The following KDM2B variants were observed in gnomAD, a reference collection of about 807,000 sequenced individuals.
KDM2B encodes the protein lysine-specific demethylase 2B.
A neutral mutation model predicts 150.0 loss-of-function variants in KDM2B; 26 were observed. The observed-to-expected ratio is 0.17, with a 90% confidence interval of 0.13 to 0.24. The LOEUF is 0.24. Among genes scored for constraint, KDM2B ranks in the 10% least tolerant of loss-of-function variants. The probability of loss-of-function intolerance (pLI) is 1.00; values close to 1 mark genes in which losing one functional copy is unlikely to be tolerated. For synonymous variants in KDM2B, 734 were observed against 729.5 expected (o/e 1.01, Z -0.10); for missense variants, 1,265 against 1,816.9 (o/e 0.70, Z 5.52).
intron 12 of KDM2B, among the ~76,000 whole-genome samples, chr12:121,489,024 T>A (rs1883067487): frequency 6.6e-6 from 1 of 151,976 alleles, no homozygotes; most frequent in Non-Finnish European, 1.5e-5. Context: ...GTCAGGCTGG[T>A]CTTGAACTCC....
intron 11 of KDM2B, among the ~76,000 whole-genome samples, chr12:121,503,364 C>T (rs1555302439): frequency 6.6e-6 from 1 of 151,862 alleles, no homozygotes; most frequent in East Asian, 1.9e-4. Flanking sequence ...CATCACAGCT[C>T]ACTGCAGCCT....
chr12:121,477,416 C>A (rs1178715885), intron 12 of KDM2B, among the ~76,000 whole-genome samples: 1 of 152,000 alleles, frequency 6.6e-6, no homozygotes, highest in Non-Finnish European at 1.5e-5. Flanking sequence ...ACAAAGTCTA[C>A]TCTGTCACCT....
intron 12 of KDM2B, chr12:121,494,220 AGAG>A (rs571750618): frequency 1.8e-4 from 39 of 220,870 alleles, no homozygotes; most frequent in Non-Finnish European, 3.2e-4. Flanking sequence ...TCCTTTCAAA[AGAG>A]GAGAAGACAG....
chr12:121,548,420 C>T (rs547160675), intron 6 of KDM2B, among the ~76,000 whole-genome samples: 1 of 152,308 alleles, frequency 6.6e-6, no homozygotes, highest in African/African-American at 2.4e-5. Context: ...GCTTCAAGGT[C>T]TCAACACCAA....
intron 4 of KDM2B, among the ~76,000 whole-genome samples, chr12:121,562,199 C>G (rs980408416): frequency 1.3e-5 from 2 of 151,196 alleles, no homozygotes; most frequent in African/African-American, 2.4e-5. Context: ...TTTAAAAAGG[C>G]CTGGCCAGCA....
At chr12:121,545,303 G>A (rs1314501926) in intron 6 of KDM2B, among the ~76,000 whole-genome samples, 7 of 151,888 alleles carry the variant, frequency 4.6e-5, no homozygotes, top group East Asian at 1.9e-4. Context: ...GACGGGGTCC[G>A]TAGCTCTATT....
Position 121,467,069 on chromosome 12 carries a change from C to A in KDM2B, c.1735-13725G>T. On this transcript the variant is annotated intron_variant, in intron 12 of 22. Transcript: ENST00000377071. The surrounding 1 kb of genome is among the most constrained non-coding windows in gnomAD (Gnocchi z 5.1). ...AACTTTCTCCTCATCGCGGCGGCGG[C>A]GGCGTCGCGGCCGCCCTCGGCGCGT... The A allele has an allele frequency of 2.9e-6, 2 of 699,402 alleles. No homozygotes were observed. The highest frequency in any genetic ancestry group is 3.2e-5 in the South Asian group (1 of 31,706). 43.3% of individuals were successfully genotyped at this position (699,402 alleles called of 1,614,324 possible).
At chr12:121,516,215 T>C in intron 9 of KDM2B, 1 of 255,942 alleles carries the variant, frequency 3.9e-6, no homozygotes, top group South Asian at 3.6e-5. Context: ...TTTTCAAATC[T>C]TTTTGACACC....
intron 9 of KDM2B, among the ~76,000 whole-genome samples, chr12:121,519,526 A>G (rs1886509233): frequency 6.6e-6 from 1 of 152,236 alleles, no homozygotes. Context: ...AAGAAACCAG[A>G]CACAAAAGGC....
At position 121,442,357 on chromosome 12, in the gene KDM2B, G is replaced by A; in HGVS notation, c.3084C>T (p.Pro1028=). The A allele has an allele frequency of 3.8e-6, 6 of 1,586,392 alleles. No individual in the cohort carries two copies. The highest frequency in any genetic ancestry group is 5.2e-6 in the Non-Finnish European group (6 of 1,163,340). Residue 1028 remains proline (P), a synonymous_variant, in exon 19 of 23, where the codon CCC becomes CCT. Coordinates refer to ENST00000377071, the MANE Select transcript of KDM2B (RefSeq NM_032590.5). The surrounding 1 kb of genome is among the most constrained non-coding windows in gnomAD (Gnocchi z 7.7). The part of the protein sequence containing the change: ...SPPRVISRPP[P]SVSPPKCIQM... ...GGATACACTTGGGCGGGGACACGGA[G>A]GGTGGGGGCCGGGAGATGACACGGG...
intron 8 of KDM2B, among the ~76,000 whole-genome samples, chr12:121,525,041 T>A (rs145204652): frequency 0.012 from 1,845 of 152,216 alleles, 20 homozygotes; most frequent in Middle Eastern, 0.031. Flanking sequence ...GTCTCAGAAC[T>A]GGGCAAGGGA....
chr12:121,506,711 G>A (rs1268720747), intron 11 of KDM2B, among the ~76,000 whole-genome samples: 1 of 152,098 alleles, frequency 6.6e-6, no homozygotes, highest in Non-Finnish European at 1.5e-5. Flanking sequence ...GCCGAGGCGG[G>A]CGAATCACCT....
At chr12:121,456,837 C>T (rs1487356282) in intron 12 of KDM2B, among the ~76,000 whole-genome samples, 1 of 152,212 alleles carries the variant, frequency 6.6e-6, no homozygotes, top group African/African-American at 2.4e-5. Flanking sequence ...TCACAGAGCA[C>T]ATACCAGACA....
At chr12:121,476,472 T>C (rs1881392565) in intron 12 of KDM2B, among the ~76,000 whole-genome samples, 1 of 151,822 alleles carries the variant, frequency 6.6e-6, no homozygotes, top group African/African-American at 2.4e-5. Context: ...AGGTAGTTTT[T>C]TGTTTTTTGT....
chr12:121,450,049 C>T (rs1237843439), intron 13 of KDM2B, among the ~76,000 whole-genome samples: 6 of 152,134 alleles, frequency 3.9e-5, no homozygotes, highest in Non-Finnish European at 7.4e-5. Context: ...AGGCCAGATG[C>T]ACTGTAATCC....
At chr12:121,500,438 TG>T (rs1418713941) in intron 11 of KDM2B, among the ~76,000 whole-genome samples, 7 of 152,258 alleles carry the variant, frequency 4.6e-5, no homozygotes, top group African/African-American at 1.7e-4. Context: ...AAGGGATGGC[TG>T]GGCCTGGGCG....
chr12:121,473,161 C>T (rs74473687), intron 12 of KDM2B, among the ~76,000 whole-genome samples: 2,222 of 152,136 alleles, frequency 0.015, 46 homozygotes, highest in East Asian at 0.13. Flanking sequence ...GAAGCCAAGA[C>T]AGGAGGATCA....
chr12:121,417,994 C>T, the KDM2B span: 533 of 1,392,830 alleles, frequency 3.8e-4, 3 homozygotes, highest in Non-Finnish European at 2.1e-5. The surrounding 1 kb of genome is among the most constrained non-coding windows in gnomAD (Gnocchi z 5.0). Context: ...TGCTTGATGA[C>T]TTCTGATAAA....
At chr12:121,443,937 G>A in intron 16 of KDM2B, 75 bp downstream of exon 16, 2 of 1,516,690 alleles carry the variant, frequency 1.3e-6, no homozygotes, top group South Asian at 1.2e-5. Context: ...CCCACCCCCT[G>A]CCCCATCCCT....
Sources: gnomAD v4.1 joint callset for allele counts (sites outside exome capture counted in the v4.1 genomes callset) on GRCh38, gnomAD v4.1.1 for gene constraint, Gnocchi (gnomAD v3.1) non-coding constraint, MANE v1.5 for transcripts, NCBI Gene and HGNC (gene_info 2026-07-23, HGNC 2026-07-21) for gene names.